The following MGST1 variants were observed in gnomAD, a reference collection of about 807,000 sequenced individuals.
The protein encoded by MGST1 is glutathione S-transferase 12.
MGST1 carries 5 observed loss-of-function variants against 8.9 expected under a neutral mutation model. The ratio of observed to expected loss-of-function variants is 0.56; its 90% CI spans 0.29 to 1.19. The LOEUF (loss-of-function observed/expected upper bound fraction) is 1.19. Among genes scored for constraint, MGST1 ranks in the 50% most tolerant of loss-of-function variants. The probability of loss-of-function intolerance (pLI) is 0.08; values close to 1 mark genes in which losing one functional copy is unlikely to be tolerated. For synonymous variants in MGST1, 54 were observed against 67.8 expected, an observed-to-expected ratio of 0.80 and a Z score of 1.00; for missense variants, 182 against 187.4, an observed-to-expected ratio of 0.97 and a Z score of 0.17.
At position 16,586,509 on chromosome 12, in the gene MGST1, C is replaced by T. The variant is rs1487613532; in HGVS notation, n.483-3019C>T. 1.3e-5 allele frequency among the ~76,000 whole-genome samples: 2 copies of T among 152,082 alleles called. No individual in the cohort carries two copies. Among genetic ancestry groups the T allele is most frequent in the Non-Finnish European group, 2.9e-5 (2 of 68,008 alleles). Reference sequence around the variant, plus strand: ...CGCTAAGCATTATCTTCTACGTCCACAGAAAAAAATCTGTTGTATAATATT... The same window carrying T: ...CGCTAAGCATTATCTTCTACGTCCATAGAAAAAAATCTGTTGTATAATATT... On this transcript the variant is annotated intron_variant and non_coding_transcript_variant, in intron 4 of 4. Coordinates refer to the MGST1 transcript ENST00000538857. The surrounding 1 kb of genome is among the most constrained non-coding windows in gnomAD (Gnocchi z 4.3).
At chr12:16,425,751 A>T (rs1011849150) in intron 1 of MGST1, among the ~76,000 whole-genome samples, 3 of 152,152 alleles carry the variant, frequency 2.0e-5, no homozygotes, top group African/African-American at 7.2e-5. Context: ...CCTTATTCCT[A>T]CTGCCCCACT....
At chr12:16,549,364 A>G (rs1267073891) in intron 4 of MGST1, 2 of 152,414 alleles carry the variant, frequency 1.3e-5, no homozygotes, top group Non-Finnish European at 2.9e-5. Flanking sequence ...ACTCCTAACC[A>G]TGAAGCATTT....
At chr12:16,408,021 ACT>A (rs1209264375) in intron 1 of MGST1, among the ~76,000 whole-genome samples, 2 of 127,620 alleles carry the variant, frequency 1.6e-5, no homozygotes, top group South Asian at 2.7e-4. Context: ...ACAGAGCAAG[ACT>A]CTGTCTCAAA....
intron 1 of MGST1, among the ~76,000 whole-genome samples, chr12:16,352,673 T>C (rs1939522909): frequency 6.6e-6 from 1 of 152,232 alleles, no homozygotes; most frequent in Admixed American, 6.5e-5. Flanking sequence ...TTCCCAATTA[T>C]ACTTCCAATT....
chr12:16,358,837 C>T (rs946349089), intron 3 of MGST1, among the ~76,000 whole-genome samples: 3 of 119,642 alleles, frequency 2.5e-5, no homozygotes, highest in African/African-American at 6.7e-5. Flanking sequence ...ATGGTGTATA[C>T]GTACCACATT....
chr12:16,349,791 C>T (rs1813892320), intron 1 of MGST1, among the ~76,000 whole-genome samples: 1 of 146,256 alleles, frequency 6.8e-6, no homozygotes, highest in Non-Finnish European at 1.5e-5. Flanking sequence ...GTCACCCAGG[C>T]TGGAGTGCAG....
intron 4 of MGST1, among the ~76,000 whole-genome samples, chr12:16,556,221 T>C (rs1361831869): frequency 1.3e-5 from 2 of 152,234 alleles, no homozygotes; most frequent in African/African-American, 4.8e-5. Flanking sequence ...TTGTGTTTTC[T>C]AAGGAGAAGG....
chr12:16,511,625 G>C (rs1410389597), intron 4 of MGST1, among the ~76,000 whole-genome samples: 1 of 152,172 alleles, frequency 6.6e-6, no homozygotes, highest in African/African-American at 2.4e-5. Flanking sequence ...CTAAGAAAGG[G>C]AATGCTATTT....
intron 1 of MGST1, among the ~76,000 whole-genome samples, chr12:16,395,428 T>A (rs1034919087): frequency 3.3e-4 from 50 of 152,216 alleles, no homozygotes; most frequent in African/African-American, 1.0e-3. Context: ...TTTAAAAAAA[T>A]TTATTTCCAT....
At chr12:16,550,103 A>G (rs1276260486) in intron 4 of MGST1, 1 of 152,064 alleles carries the variant, frequency 6.6e-6, no homozygotes, top group Non-Finnish European at 1.5e-5. Context: ...AGAAGATTCT[A>G]TGAGCATTAT....
In MGST1 at chr12:16,565,995, TATATATATATATATATATATATATATA is replaced by T. The variant is rs1450392796; in HGVS notation, n.483-23532_483-23506del. Among the ~76,000 whole-genome samples the T allele has an allele frequency of 3.4e-4, 5 of 14,566 alleles. 1 individual carries two copies. The highest frequency in any genetic ancestry group is 1.5e-3 in the African/African-American group (5 of 3,276). 9.6% of individuals were successfully genotyped at this position (14,566 alleles called of 152,430 possible). ...GAAGAAAATGTGCCATATATATATA[TATATATATATATATATATATATATATA>T]TATATATATATATATATAAAATGGA... On this transcript the variant is annotated intron_variant and non_coding_transcript_variant, in intron 4 of 4. Transcript: ENST00000538857.
intron 1 of MGST1, among the ~76,000 whole-genome samples, chr12:16,393,849 C>A (rs1462835477): frequency 6.6e-6 from 1 of 152,218 alleles, no homozygotes; most frequent in Non-Finnish European, 1.5e-5. Flanking sequence ...CAATCTGAAT[C>A]AAATGGTATA....
chr12:16,354,161 A>G, intron 1 of MGST1, 70 bp from the exon 2 acceptor site: 1 of 1,137,236 alleles, frequency 8.8e-7, no homozygotes, highest in Non-Finnish European at 1.2e-6. Context: ...ATATAAGAAC[A>G]TCAAATGATC....
chr12:16,434,719 T>C (rs534267177), intron 1 of MGST1, among the ~76,000 whole-genome samples: 70 of 152,050 alleles, frequency 4.6e-4, no homozygotes, highest in African/African-American at 1.7e-3. Flanking sequence ...AAATTGTTTT[T>C]GGAGCATTCA....
rs1235058771 is a variant in MGST1, at chr12:16,376,015, TAC to T, written c.222-99_222-98del. ...CACACAACACCCACACACCTATATG[TAC>T]ACACACAGATTTTATACATATATAT... On this transcript the variant is annotated intron_variant, in intron 3 of 3. Transcript: ENST00000535309. The T allele has an allele frequency of 1.2e-5, 9 of 720,688 alleles. No homozygotes were observed. The East Asian group carries it at 1.3e-4, about 10-fold the overall frequency. 44.6% of individuals were successfully genotyped at this position (720,688 alleles called of 1,614,324 possible). A position where few individuals can be genotyped will look rare whatever the true frequency, so the allele number is the denominator to read the frequency against.
Position 16,364,312 on chromosome 12 carries a change from C to A in MGST1, c.*271C>A. On this transcript the variant is annotated 3_prime_UTR_variant, in exon 4 of 4. Transcript: ENST00000396210. This position sits in a 1 kb window ranked among gnomAD's most constrained non-coding sequence, Gnocchi z 5.7. ...CATGTTATGATTTGTAACATTCACA[C>A]AACACCTCACTTTTGAATCTATAAA... The A allele has an allele frequency of 9.1e-7, 1 of 1,096,522 alleles. No homozygotes were observed. The highest frequency in any genetic ancestry group is 1.1e-6 in the Non-Finnish European group (1 of 900,410). 67.9% of individuals were successfully genotyped at this position (1,096,522 alleles called of 1,614,324 possible).
At chr12:16,406,888 G>A (rs778690214) in intron 1 of MGST1, among the ~76,000 whole-genome samples, 23 of 151,954 alleles carry the variant, frequency 1.5e-4, no homozygotes, top group African/African-American at 5.3e-4. Context: ...TTCTTACATC[G>A]CATACAAACA....
intron 4 of MGST1, chr12:16,573,960 T>C (rs1942910673): frequency 6.6e-6 from 1 of 152,186 alleles, no homozygotes; most frequent in Non-Finnish European, 1.5e-5. Context: ...GAAAGGAATG[T>C]ATTACGGAAC....
rs1450993739 is a variant in MGST1, at chr12:16,548,020, GT to G, written n.483-41504del. 1.3e-5 allele frequency among the ~76,000 whole-genome samples: 2 copies of G among 152,120 alleles called. No individual in the cohort carries two copies. Among genetic ancestry groups the G allele is most frequent in the Non-Finnish European group, 2.9e-5 (2 of 68,016 alleles). ...GTAAAAATGTAGAATTGAGTTTCCT[GT>G]TTTAATTCATTATACAGAATAGAAA... On this transcript the variant is annotated intron_variant and non_coding_transcript_variant, in intron 4 of 4. Coordinates refer to the MGST1 transcript ENST00000538857. The surrounding 1 kb of genome is among the most constrained non-coding windows in gnomAD (Gnocchi z 4.2).
Sources: allele counts gnomAD v4.1 joint callset (sites outside exome capture counted in the v4.1 genomes callset), GRCh38; gene constraint gnomAD v4.1.1; non-coding constraint Gnocchi (gnomAD v3.1); transcripts MANE v1.5; gene names NCBI Gene and HGNC (gene_info 2026-07-23, HGNC 2026-07-21).